Variants in KIF11 observed in about 807,000 individuals in gnomAD.
The protein encoded by KIF11 is kinesin-like protein KIF11.
A neutral mutation model predicts 121.0 loss-of-function variants in KIF11; 9 were observed. That is an observed-to-expected ratio of 0.07 (90% confidence interval 0.04 to 0.13). The LOEUF (loss-of-function observed/expected upper bound fraction) is 0.13, where lower values mean the gene tolerates loss of function less well. Among genes scored for constraint, KIF11 ranks in the 10% least tolerant of loss-of-function variants. The pLI, the probability that KIF11 is intolerant of heterozygous loss-of-function variation, is 1.00. For synonymous variants in KIF11, 408 were observed against 421.0 expected (o/e 0.97, Z 0.38); for missense variants, 846 against 1,217.5 (o/e 0.69, Z 4.54).
At position 92,621,580 on chromosome 10, in the gene KIF11, C is replaced by T. The variant is rs77222691; in HGVS notation, c.1217+107C>T. The T allele has an allele frequency of 0.022, 13,705 of 610,250 alleles. 195 individuals are homozygous for T. Among genetic ancestry groups the T allele is most frequent in the Admixed American group, 0.057 (2,091 of 36,480 alleles). The allele number at this position is 610,250 out of a possible 1,614,324, so 37.8% of individuals were successfully genotyped here. A position where few individuals can be genotyped will look rare whatever the true frequency, so the allele number is the denominator to read the frequency against. On this transcript the variant is annotated intron_variant, in intron 10 of 21. Transcript: ENST00000260731. Reference sequence around the variant, plus strand: ...TAAGTAAAATCTTTATATCCAGTGCCGATAAATACTTCATTTTGTGTGTGT... The same window carrying T: ...TAAGTAAAATCTTTATATCCAGTGCTGATAAATACTTCATTTTGTGTGTGT...
chr10:92,625,989 A>C (rs1221971474), intron 10 of KIF11, among the ~76,000 whole-genome samples: 1 of 152,220 alleles, frequency 6.6e-6, no homozygotes, highest in Non-Finnish European at 1.5e-5. Context: ...TATTGTTAAA[A>C]TGGCCATACC....
At chr10:92,615,872 C>T (rs898535097) in intron 8 of KIF11, among the ~76,000 whole-genome samples, 11 of 143,482 alleles carry the variant, frequency 7.7e-5, no homozygotes, top group African/African-American at 2.6e-4. Flanking sequence ...TGGAGTCTCG[C>T]TCTGTTGCCT....
rs376706915 is a variant in KIF11, at chr10:92,607,222, G to A, written c.372G>A (p.Glu124=). ...TMEGERSPNE[E]YTWEEDPLAG... ...AAGGTGAAAGGTCACCTAATGAAGA[G>A]TATACCTGGGAAGAGGTATTTATTG... The change falls in exon 4 of 22, where the codon GAG becomes GAA. Residue 124 remains glutamate, a synonymous_variant. Transcript: ENST00000260731. 1.9e-6 allele frequency: 3 copies of A among 1,598,048 alleles called. No homozygotes were observed. The highest frequency in any genetic ancestry group is 3.3e-5 in the Admixed American group (2 of 59,950).
chr10:92,616,321 C>T (rs760495046), intron 8 of KIF11, among the ~76,000 whole-genome samples: 1 of 151,654 alleles, frequency 6.6e-6, no homozygotes, highest in Non-Finnish European at 1.5e-5. Context: ...CCTTAGACTC[C>T]CAAGTAGGTG....
chr10:92,599,949 CTTT>C (rs1174140289), intron 1 of KIF11, among the ~76,000 whole-genome samples: 1 of 129,018 alleles, frequency 7.8e-6, no homozygotes, highest in African/African-American at 2.8e-5. Flanking sequence ...CTGTGCCTGG[CTTT>C]TTTTTTTTTT....
chr10:92,626,845 C>T (rs578203445), intron 10 of KIF11, among the ~76,000 whole-genome samples: 6 of 152,222 alleles, frequency 3.9e-5, no homozygotes, highest in East Asian at 1.9e-4. Flanking sequence ...CTGCAAGCTC[C>T]GCCTCCTGGG....
chr10:92,611,830 C>T (rs1844500662), intron 6 of KIF11, among the ~76,000 whole-genome samples: 2 of 152,104 alleles, frequency 1.3e-5, no homozygotes, highest in South Asian at 2.1e-4. Flanking sequence ...ACCCAGGAGG[C>T]AGAAGTTTCA....
At chr10:92,634,942 G>A (rs535014736) in intron 14 of KIF11, among the ~76,000 whole-genome samples, 26 of 152,340 alleles carry the variant, frequency 1.7e-4, no homozygotes, top group African/African-American at 6.3e-4. Flanking sequence ...TTAGATCTGT[G>A]TGGCCCCTTC....
intron 1 of KIF11, among the ~76,000 whole-genome samples, 193 bp from the exon 2 acceptor site, chr10:92,606,072 A>C (rs1412893970): frequency 1.3e-5 from 2 of 152,220 alleles, no homozygotes; most frequent in Non-Finnish European, 2.9e-5. Context: ...TTAAAAAATT[A>C]TATTTGTGAA....
chr10:92,640,835 C>G (rs998132384), intron 17 of KIF11, among the ~76,000 whole-genome samples: 2 of 151,958 alleles, frequency 1.3e-5, no homozygotes, highest in African/African-American at 4.8e-5. Flanking sequence ...CAACCTCTGC[C>G]TCCTGAGTTC....
chr10:92,635,829 T>C (rs1361687301), intron 14 of KIF11, among the ~76,000 whole-genome samples: 2 of 152,230 alleles, frequency 1.3e-5, no homozygotes, highest in Non-Finnish European at 2.9e-5. Context: ...CTTACCAAGT[T>C]ACAATTTTTG....
intron 14 of KIF11, among the ~76,000 whole-genome samples, chr10:92,636,428 C>G (rs564670424): frequency 6.6e-6 from 1 of 151,810 alleles, no homozygotes; most frequent in African/African-American, 2.4e-5. Flanking sequence ...ACCAGCCTGG[C>G]CAACATGGTG....
At chr10:92,632,744 A>C (rs1844752475) in intron 13 of KIF11, 51 bp downstream of exon 13, 1 of 1,126,370 alleles carries the variant, frequency 8.9e-7, no homozygotes, top group African/African-American at 2.4e-5. Flanking sequence ...TGTAATGTTG[A>C]TTTCAAAACT....
intron 17 of KIF11, among the ~76,000 whole-genome samples, chr10:92,644,694 G>A (rs190545129): frequency 1.3e-5 from 2 of 152,078 alleles, no homozygotes; most frequent in African/African-American, 4.8e-5. Flanking sequence ...GTTTACCCAC[G>A]TGGTGTACCA....
At chr10:92,638,849 G>A (rs1844835848) in intron 16 of KIF11, among the ~76,000 whole-genome samples, 1 of 152,202 alleles carries the variant, frequency 6.6e-6, no homozygotes, top group Non-Finnish European at 1.5e-5. Context: ...ATTGTCAACT[G>A]ATGTGTTATT....
chr10:92,593,745 A>G lies in KIF11; in HGVS notation c.77+293A>G, dbSNP rs538784187. 4.6e-5 allele frequency among the ~76,000 whole-genome samples: 7 copies of G among 152,292 alleles called. No individual in the cohort carries two copies. The South Asian group carries it at 1.5e-3, about 32-fold the overall frequency. ...TATATGCTACTTCATGTAGTTTGTC[A>G]GTTTGGAAGTAAGACTGAATACCTA... On this transcript the variant is annotated intron_variant, in intron 1 of 21. Coordinates refer to ENST00000260731, the MANE Select transcript of KIF11 (RefSeq NM_004523.4).
rs1844943937 is a variant in KIF11 at position 92,648,373 on chromosome 10, A to C, written c.2709A>C (p.Lys903Asn). ...AQNLELNETI[K>N]IGLTKLNCFL... ...ATCTAGAACTTAATGAAACCATAAA[A>C]ATTGGTTTGACTAAGCTTAATTGCT... Residue 903 changes from lysine (K) to asparagine (N), a missense_variant, in exon 19 of 22, where the codon AAA (lysine) becomes AAC (asparagine). Coordinates refer to ENST00000260731, the MANE Select transcript of KIF11 (RefSeq NM_004523.4). 5.6e-6 allele frequency: 9 copies of C among 1,612,896 alleles called. No homozygotes were observed. The highest frequency in any genetic ancestry group is 7.6e-6 in the Non-Finnish European group (9 of 1,179,130).
At chr10:92,606,497 T>C in intron 2 of KIF11, 100 bp downstream of exon 2, 1 of 1,224,746 alleles carries the variant, frequency 8.2e-7, no homozygotes, top group Non-Finnish European at 1.1e-6. Flanking sequence ...ATTTCAGTTG[T>C]CTCTGAATTG....
chr10:92,637,757 T>C (rs1815937080), intron 16 of KIF11, among the ~76,000 whole-genome samples: 1 of 152,178 alleles, frequency 6.6e-6, no homozygotes. Flanking sequence ...TAGAACCCCA[T>C]GCAGAACCAC....
Sources: gnomAD v4.1 joint callset for allele counts (sites outside exome capture counted in the v4.1 genomes callset) on GRCh38, gnomAD v4.1.1 for gene constraint, MANE v1.5 for transcripts, NCBI Gene and HGNC (gene_info 2026-07-23, HGNC 2026-07-21) for gene names.